Variants in PLEC observed in about 807,000 individuals in gnomAD.
PLEC encodes plectin.
A neutral mutation model predicts 392.8 loss-of-function variants in PLEC; 216 were observed. The ratio of observed to expected loss-of-function variants is 0.55; its 90% CI spans 0.49 to 0.62. The LOEUF (loss-of-function observed/expected upper bound fraction) is 0.62. Among genes scored for constraint, PLEC ranks in the 20% least tolerant of loss-of-function variants. The pLI is 0.00. For missense variants in PLEC, 6,863 were observed against 6,563.4 expected (o/e 1.05, Z -1.58); for synonymous variants, 3,621 against 2,980.6 (o/e 1.21, Z -7.00).
Position 143,920,643 on chromosome 8 carries a change from C to T in PLEC, c.9178G>A (p.Ala3060Thr). 1 of 1,605,452 alleles carries T rather than the reference C, an allele frequency of 6.2e-7. No individual in the cohort carries two copies. The highest frequency in any genetic ancestry group is 1.3e-5 in the African/African-American group (1 of 75,056). Reference protein sequence around the residue: ...PSDMAVALLEAQAGTGHIIDP... With the variant: ...PSDMAVALLETQAGTGHIIDP... The stretch of plus-strand genomic sequence containing the variant: ...ATGATGTGCCCGGTGCCGGCCTGGG[C>T]TTCCAACAGGGCCACGGCCATGTCG... The change falls in exon 32 of 32, where the codon GCC becomes ACC. Residue 3060 changes from alanine (A) to threonine (T), a missense_variant. Transcript: ENST00000345136.
In PLEC at chr8:143,937,294, C is replaced by A. The variant is rs782180641; in HGVS notation, c.265-52G>T. The A allele has an allele frequency of 9.3e-6, 13 of 1,393,128 alleles. No homozygotes were observed. The South Asian group carries it at 1.4e-4, about 15-fold the overall frequency. The allele number at this position is 1,393,128 out of a possible 1,614,324, so 86.3% of individuals were successfully genotyped here. On this transcript the variant is annotated intron_variant, in intron 3 of 31. Transcript: ENST00000345136. ...CAGTGCAGCTGCAGCTCCCGGGCCC[C>A]ACCCTCAGCATGCCCCAAAGCGCCG...
upstream of PLEC, chr8:143,942,463 C>T (rs782677449): frequency 4.1e-5 from 65 of 1,600,866 alleles, no homozygotes; most frequent in Non-Finnish European, 4.8e-5. Context: ...CCAGCACGGC[C>T]GCTCCAGCAA....
At position 143,920,665 on chromosome 8, in the gene PLEC, G is replaced by A; in HGVS notation, c.9156C>T (p.Asp3052=). Residue 3052 remains aspartate, a synonymous_variant, in exon 32 of 32, where the codon GAC becomes GAT. Transcript: ENST00000345136. ...NALKKDLLPS[D]MAVALLEAQA... Reference sequence around the variant, plus strand: ...GGGCTTCCAACAGGGCCACGGCCATGTCGGATGGCAGCAGGTCTTTCTTCA... The same window carrying A: ...GGGCTTCCAACAGGGCCACGGCCATATCGGATGGCAGCAGGTCTTTCTTCA... 1 of 1,603,864 alleles carries A rather than the reference G, an allele frequency of 6.2e-7. No individual in the cohort carries two copies. The highest frequency in any genetic ancestry group is 8.5e-7 in the Non-Finnish European group (1 of 1,179,892).
intron 2 of PLEC, 91 bp from the exon 3 acceptor site, chr8:143,938,331 G>A: frequency 6.5e-7 from 1 of 1,536,582 alleles, no homozygotes; most frequent in Non-Finnish European, 8.7e-7. Context: ...GCTGGTCCCA[G>A]AGGGAAGGAG....
intron 6 of PLEC, 92 bp downstream of exon 6, chr8:143,935,756 C>T: frequency 7.1e-7 from 1 of 1,414,868 alleles, no homozygotes; most frequent in Non-Finnish European, 9.8e-7. Context: ...TCCTCCTGCC[C>T]TCCTCCCTGC....
chr8:143,949,667 CA>C (rs1334182085), intron 1 of PLEC, among the ~76,000 whole-genome samples: 1 of 152,226 alleles, frequency 6.6e-6, no homozygotes, highest in Non-Finnish European at 1.5e-5. Context: ...CAGCCACCAC[CA>C]AGTCCAAGCT....
rs782444749 is a variant in PLEC, at chr8:143,927,259, G to T, written c.3833C>A (p.Ala1278Asp). Residue 1278 changes from alanine to aspartate, a missense_variant, in exon 28 of 32, where the codon GCC (alanine) becomes GAC (aspartate). Physicochemically the swap from Ala to Asp is moderately radical, Grantham distance 126. Transcript: ENST00000345136. The part of the protein sequence containing the change: ...CQRFAKQYIN[A>D]IKDYELQLVT... ...CAGGCGGCTGGGCCTCACCTTGATG[G>T]CGTTGATGTACTGTTTCGCAAACCT... 2.5e-6 allele frequency: 4 copies of T among 1,613,136 alleles called. No individual in the cohort carries two copies. Among genetic ancestry groups the T allele is most frequent in the Non-Finnish European group, 3.4e-6 (4 of 1,179,814 alleles).
In PLEC at chr8:143,927,842, T is replaced by C; in HGVS notation, c.3399+12A>G. On this transcript the variant is annotated intron_variant, in intron 26 of 31. Coordinates refer to ENST00000345136, the MANE Select transcript of PLEC (RefSeq NM_201384.3). ...CCCACCCCGCCATGAAGCCCAAGCCTCGAAACGATACCTTCAGAGAGGCCT... is the reference window on the plus strand; with the variant it reads ...CCCACCCCGCCATGAAGCCCAAGCCCCGAAACGATACCTTCAGAGAGGCCT... 6.3e-7 allele frequency: 1 copy of C among 1,591,020 alleles called. No individual in the cohort carries two copies. Among genetic ancestry groups the C allele is most frequent in the Non-Finnish European group, 8.6e-7 (1 of 1,169,314 alleles).
rs111851716 is a variant in PLEC, at chr8:143,925,706, G to A, written c.4223C>T (p.Ala1408Val). 1.1e-3 allele frequency: 1,801 copies of A among 1,591,140 alleles called. 19 individuals are homozygous for A. In the African/African-American group the frequency reaches 0.022, roughly 19 times the overall value. Reference protein sequence around the residue: ...QEEVVRREEAAVDAQQQKRSI... With the variant: ...QEEVVRREEAVVDAQQQKRSI... Reference sequence around the variant, plus strand: ...GCGCTTCTGCTGCTGCGCGTCCACCGCCGCCTCCTCCCGCCGCACCACCTC... The same window carrying A: ...GCGCTTCTGCTGCTGCGCGTCCACCACCGCCTCCTCCCGCCGCACCACCTC... Residue 1408 changes from alanine to valine, a missense_variant, in exon 31 of 32, where the codon GCG (alanine) becomes GTG (valine). Coordinates refer to ENST00000345136, the MANE Select transcript of PLEC (RefSeq NM_201384.3).
At chr8:143,962,094 T>C (rs1390669041) in intron 1 of PLEC, among the ~76,000 whole-genome samples, 2 of 152,240 alleles carry the variant, frequency 1.3e-5, no homozygotes, top group Non-Finnish European at 2.9e-5. Flanking sequence ...AAAAAATCTA[T>C]GTCCATGTCC....
chr8:143,925,018 C>T lies in PLEC; in HGVS notation c.4911G>A (p.Lys1637=), dbSNP rs782108173. The T allele has an allele frequency of 6.4e-7, 1 of 1,570,186 alleles. No homozygotes were observed. The highest frequency in any genetic ancestry group is 1.8e-5 in the Admixed American group (1 of 56,518). ...AERELERWQL[K]ANEALRLRLQ... ...GCCGCAGCCGTAGCGCCTCGTTGGC[C>T]TTGAGCTGCCAGCGCTCCAGCTCCC... The change falls in exon 31 of 32, where the codon AAG becomes AAA. Residue 1637 remains lysine (K), a synonymous_variant. Transcript: ENST00000345136.
chr8:143,942,974 G>T (rs1053621004), upstream of PLEC, among the ~76,000 whole-genome samples: 5 of 152,216 alleles, frequency 3.3e-5, no homozygotes, highest in African/African-American at 1.2e-4. Flanking sequence ...GTGGGCTGAG[G>T]TGGGGAGGCA....
In PLEC at chr8:143,924,954, G is replaced by T; in HGVS notation, c.4975C>A (p.Gln1659Lys). 1 of 1,580,650 alleles carries T rather than the reference G, an allele frequency of 6.3e-7. No individual in the cohort carries two copies. Among genetic ancestry groups the T allele is most frequent in the Non-Finnish European group, 8.5e-7 (1 of 1,171,626 alleles). ...EEVAQQKSLA[Q>K]AEAEKQKEEA... ...TCCTTCTGCTTCTCAGCCTCGGCCT[G>T]CGCCAGGCTCTTCTGCTGCGCCACC... The change falls in exon 31 of 32, where the codon CAG (glutamine) becomes AAG (lysine). Residue 1659 changes from glutamine to lysine, a missense_variant. Coordinates refer to ENST00000345136, the MANE Select transcript of PLEC (RefSeq NM_201384.3).
chr8:143,930,526 T>C lies in PLEC; in HGVS notation c.2315A>G (p.Glu772Gly). The C allele has an allele frequency of 6.3e-7, 1 of 1,592,014 alleles. No homozygotes were observed. Among genetic ancestry groups the C allele is most frequent in the South Asian group, 1.1e-5 (1 of 88,160 alleles). ...GTGGCCCTTGTACTCGTTCAGCTGT[T>C]CCTTCTCGTCCTGTGGGGGAGGGGC... ...DLLQDAQDEK[E>G]QLNEYKGHLS... The change falls in exon 20 of 32, where the codon GAA becomes GGA. Residue 772 changes from glutamate (E) to glycine (G), a missense_variant. Physicochemically the swap from Glu to Gly is moderately conservative, Grantham distance 98. Transcript: ENST00000345136.
chr8:143,929,655 G>C lies in PLEC; in HGVS notation c.2914C>G (p.Leu972Val). ...CCCTGCCGTGCCCTACCCTGTTCCA[G>C]GCTCTGCAGCAGCTGCTGGTAGTGG... ...SHHYQQLLQS[L>V]EQGAQEESRC... The change falls in exon 23 of 32, where the codon CTG becomes GTG. Residue 972 changes from leucine (L) to valine (V), a missense_variant. Leu to Val is a conservative substitution (Grantham distance 32). Transcript: ENST00000345136. 2.5e-6 allele frequency: 4 copies of C among 1,604,564 alleles called. No homozygotes were observed. The South Asian group carries it at 4.4e-5, about 18-fold the overall frequency.
intron 25 of PLEC, 25 bp from the exon 26 acceptor site, chr8:143,928,017 C>A: frequency 6.3e-7 from 1 of 1,579,232 alleles, no homozygotes; most frequent in Non-Finnish European, 8.6e-7. Flanking sequence ...GGGCTCAGGG[C>A]CATGACATGG....
chr8:143,966,077 C>T (rs569345576), intron 1 of PLEC, among the ~76,000 whole-genome samples: 6 of 152,248 alleles, frequency 3.9e-5, no homozygotes, highest in East Asian at 3.9e-4. Context: ...ACCTCCAATC[C>T]GACGACACCC....
At chr8:143,937,556 C>T (rs962166406) in intron 3 of PLEC, 3 of 488,730 alleles carry the variant, frequency 6.1e-6, no homozygotes, top group Non-Finnish European at 1.1e-5. Context: ...CTGGCGGTGG[C>T]AGCCACAGCA....
Position 143,918,483 on chromosome 8 carries a change from T to C in PLEC, c.11338A>G (p.Ile3780Val), listed in dbSNP as rs1380465589. 2.5e-6 allele frequency: 4 copies of C among 1,598,982 alleles called. No homozygotes were observed. The highest frequency in any genetic ancestry group is 3.4e-6 in the Non-Finnish European group (4 of 1,174,178). Residue 3780 changes from isoleucine (I) to valine (V), a missense_variant, in exon 32 of 32, where the codon ATC (isoleucine) becomes GTC (valine). Physicochemically the swap from Ile to Val is conservative, Grantham distance 29. Transcript: ENST00000345136. ...GYRDPYTEQTISLFQAMKKEL... is the reference protein window; with the variant it reads ...GYRDPYTEQTVSLFQAMKKEL... ...TTCTTCATGGCCTGGAAGAGCGAGA[T>C]GGTCTGCTCGGTGTAGGGGTCACGG...
Sources: gnomAD v4.1 joint callset for allele counts (sites outside exome capture counted in the v4.1 genomes callset) on GRCh38, gnomAD v4.1.1 for gene constraint, MANE v1.5 for transcripts, NCBI Gene and HGNC (gene_info 2026-07-23, HGNC 2026-07-21) for gene names.